The following SLC35F1 variants were observed in gnomAD, a reference collection of about 807,000 sequenced individuals.
SLC35F1 encodes solute carrier family 35 member F1.
In SLC35F1, 14 loss-of-function variants were observed where a neutral mutation model predicts 48.7. The observed-to-expected ratio is 0.29, with a 90% CI of 0.19 to 0.45. The LOEUF is 0.45. Ranked by LOEUF, SLC35F1 falls within the 20% of genes least tolerant of loss-of-function variation. The pLI, the probability that SLC35F1 is intolerant of heterozygous loss-of-function variation, is 1.00. For synonymous variants in SLC35F1, 190 were observed against 202.2 expected, an observed-to-expected ratio of 0.94 and a Z score of 0.51; for missense variants, 404 against 500.0, an observed-to-expected ratio of 0.81 and a Z score of 1.83.
chr6:118,105,133 G>A (rs972953028), intron 1 of SLC35F1, among the ~76,000 whole-genome samples: 2 of 151,978 alleles, frequency 1.3e-5, no homozygotes, highest in African/African-American at 4.8e-5. Flanking sequence ...TGTTTGCTTG[G>A]TTGCATCTAT....
intron 2 of SLC35F1, among the ~76,000 whole-genome samples, chr6:118,171,516 C>T (rs368105119): frequency 8.5e-5 from 13 of 152,072 alleles, no homozygotes; most frequent in Non-Finnish European, 1.0e-4. Context: ...GCTGAGTCAA[C>T]GGGCATTCTA....
At chr6:118,305,634 T>C (rs1776303595) in intron 7 of SLC35F1, among the ~76,000 whole-genome samples, 1 of 152,210 alleles carries the variant, frequency 6.6e-6, no homozygotes. Flanking sequence ...TAGATGATGA[T>C]GTTCACCCTT....
rs1015828621 is a variant in SLC35F1 at position 118,091,866 on chromosome 6, G to C, written c.174-62579G>C. ...GGTCTCAGATGGAGATGAGGAACTT[G>C]TTGGGAACTGGAGTAAAGGTCACTC... is the stretch of plus-strand genomic sequence containing the variant. On this transcript the variant is annotated intron_variant, in intron 1 of 7. Transcript: ENST00000360388. Among the ~76,000 whole-genome samples the C allele has an allele frequency of 2.6e-5, 4 of 152,186 alleles. No individual in the cohort carries two copies. In the South Asian group the frequency reaches 8.3e-4, roughly 32 times the overall value.
intron 2 of SLC35F1, among the ~76,000 whole-genome samples, chr6:118,226,983 A>T (rs1394918888): frequency 3.3e-5 from 5 of 152,198 alleles, no homozygotes; most frequent in Admixed American, 6.5e-5. Flanking sequence ...ATCAATCAAT[A>T]AATAAATTAA....
intron 1 of SLC35F1, among the ~76,000 whole-genome samples, chr6:118,120,544 T>A (rs1222412675): frequency 1.3e-5 from 2 of 152,202 alleles, no homozygotes; most frequent in Non-Finnish European, 2.9e-5. Context: ...CACCCTTTTT[T>A]CATACAGTTT....
intron 1 of SLC35F1, among the ~76,000 whole-genome samples, chr6:118,077,998 A>G (rs746312997): frequency 1.3e-5 from 2 of 152,180 alleles, no homozygotes; most frequent in Non-Finnish European, 2.9e-5. Flanking sequence ...TTAAAAGACT[A>G]TGTCAGAAGG....
intron 2 of SLC35F1, among the ~76,000 whole-genome samples, chr6:118,215,341 G>A (rs1488804157): frequency 1.3e-5 from 2 of 152,174 alleles, no homozygotes; most frequent in African/African-American, 2.4e-5. Flanking sequence ...TAAAATGTAT[G>A]TGAGAAAAGA....
chr6:117,931,810 T>G (rs1776105134), intron 1 of SLC35F1, among the ~76,000 whole-genome samples: 2 of 152,214 alleles, frequency 1.3e-5, no homozygotes, highest in Non-Finnish European at 2.9e-5. Context: ...CAGTTGCTGC[T>G]TAATTATTGC....
chr6:118,081,242 T>C (rs779581874), intron 1 of SLC35F1, among the ~76,000 whole-genome samples: 5 of 152,168 alleles, frequency 3.3e-5, no homozygotes, highest in African/African-American at 4.8e-5. Flanking sequence ...TAAATGACAG[T>C]TTCACACATA....
chr6:117,947,556 C>A (rs565471087), intron 1 of SLC35F1, among the ~76,000 whole-genome samples: 1 of 152,188 alleles, frequency 6.6e-6, no homozygotes, highest in African/African-American at 2.4e-5. Context: ...AATGTAACAT[C>A]TAGATGCAAG....
At chr6:118,144,070 A>G (rs1773933335) in intron 1 of SLC35F1, among the ~76,000 whole-genome samples, 1 of 152,220 alleles carries the variant, frequency 6.6e-6, no homozygotes, top group Non-Finnish European at 1.5e-5. Flanking sequence ...CATTTGACCC[A>G]GCAATCCCAT....
At chr6:118,115,889 A>C (rs940800933) in intron 1 of SLC35F1, among the ~76,000 whole-genome samples, 1 of 152,228 alleles carries the variant, frequency 6.6e-6, no homozygotes, top group East Asian at 1.9e-4. Flanking sequence ...AAAAAGCGTT[A>C]ATGTTAAAAA....
intron 2 of SLC35F1, among the ~76,000 whole-genome samples, chr6:118,185,671 C>A (rs1321824564): frequency 6.6e-6 from 1 of 152,052 alleles, no homozygotes; most frequent in African/African-American, 2.4e-5. Flanking sequence ...CTGCACAACC[C>A]CAGGAAGTGA....
At chr6:118,030,385 C>G (rs1033898352) in intron 1 of SLC35F1, among the ~76,000 whole-genome samples, 1 of 152,152 alleles carries the variant, frequency 6.6e-6, no homozygotes, top group African/African-American at 2.4e-5. Context: ...TGTTGTTGCT[C>G]CTTCCCACTA....
At chr6:118,230,865 G>A (rs1175933146) in intron 2 of SLC35F1, among the ~76,000 whole-genome samples, 1 of 152,124 alleles carries the variant, frequency 6.6e-6, no homozygotes, top group African/African-American at 2.4e-5. Context: ...AGAGGCTGAA[G>A]CAGGAGGATC....
rs145483236 is a variant in SLC35F1 at position 117,925,282 on chromosome 6, A to C, written c.173+17383A>C. 4.3e-4 allele frequency among the ~76,000 whole-genome samples: 66 copies of C among 152,172 alleles called. No individual in the cohort carries two copies. In the East Asian group the frequency reaches 0.01, roughly 24 times the overall value. On this transcript the variant is annotated intron_variant, in intron 1 of 7. Coordinates refer to ENST00000360388, the MANE Select transcript of SLC35F1 (RefSeq NM_001029858.4). ...GGGTTGGTACAACCAGATTGAAGATAAAGGACTTGCATTTAGATGGGGGAG... is the reference window on the plus strand; with the variant it reads ...GGGTTGGTACAACCAGATTGAAGATCAAGGACTTGCATTTAGATGGGGGAG...
At chr6:118,302,195 C>T (rs150293528) in intron 7 of SLC35F1, among the ~76,000 whole-genome samples, 24 of 151,990 alleles carry the variant, frequency 1.6e-4, no homozygotes, top group Non-Finnish European at 2.5e-4. Flanking sequence ...TCACTACTTA[C>T]GAGGAATGAG....
intron 1 of SLC35F1, among the ~76,000 whole-genome samples, chr6:118,016,929 T>G (rs1470034312): frequency 6.6e-6 from 1 of 152,246 alleles, no homozygotes; most frequent in Non-Finnish European, 1.5e-5. Context: ...AAAAATCCTC[T>G]TGTGGTGAAA....
intron 1 of SLC35F1, among the ~76,000 whole-genome samples, chr6:117,976,219 C>T (rs1038388200): frequency 5.3e-5 from 8 of 152,198 alleles, no homozygotes; most frequent in African/African-American, 1.9e-4. Context: ...AGGTTTTCAT[C>T]TCATGCTCAC....
Sources: gnomAD v4.1 joint callset for allele counts (sites outside exome capture counted in the v4.1 genomes callset) on GRCh38, gnomAD v4.1.1 for gene constraint, MANE v1.5 for transcripts, NCBI Gene and HGNC (gene_info 2026-07-23, HGNC 2026-07-21) for gene names.